APOBEC3G: variants seen among roughly 807,000 people sequenced by gnomAD.
APOBEC3G encodes the protein DNA dC->dU-editing enzyme APOBEC-3G.
A neutral mutation model predicts 50.0 loss-of-function variants in APOBEC3G; 44 were observed. The ratio of observed to expected loss-of-function variants is 0.88; its 90% confidence interval spans 0.69 to 1.13. The LOEUF is 1.13. Ranked by LOEUF, APOBEC3G falls within the 50% of genes most tolerant of loss-of-function variation. The probability of loss-of-function intolerance (pLI) is 0.00; values close to 1 mark genes in which losing one functional copy is unlikely to be tolerated. For synonymous variants in APOBEC3G, 156 were observed against 175.3 expected (o/e 0.89, Z 0.87); for missense variants, 469 against 492.0 (o/e 0.95, Z 0.44).
At chr22:39,078,768 A>C in intron 1 of APOBEC3G, 164 bp from the exon 2 acceptor site, 1 of 884,978 alleles carries the variant, frequency 1.1e-6, no homozygotes, top group East Asian at 2.9e-5. Context: ...GCTGGAGTGT[A>C]GTGGCGCGAT....
In APOBEC3G at chr22:39,081,245, CA is replaced by C; in HGVS notation, c.466+19del. 1 of 1,611,734 alleles carries C rather than the reference CA, an allele frequency of 6.2e-7. No individual in the cohort carries two copies. Among genetic ancestry groups the C allele is most frequent in the South Asian group, 1.1e-5 (1 of 90,738 alleles). ...TTATGACGGTGAGAAGTGGGAGGTT[CA>C]GGGGTGTGGGAGAGACTGCTTAAGT... On this transcript the variant is annotated intron_variant, in intron 3 of 7. Transcript: ENST00000407997.
chr22:39,083,658 C>A, intron 4 of APOBEC3G, 73 bp from the exon 5 acceptor site: 2 of 1,523,736 alleles, frequency 1.3e-6, no homozygotes, highest in Non-Finnish European at 8.9e-7. Context: ...AGGGAGGAAG[C>A]GTGGAGAGGG....
At chr22:39,081,795 C>G in intron 4 of APOBEC3G, 1 of 530,062 alleles carries the variant, frequency 1.9e-6, no homozygotes. Flanking sequence ...TTCCTGGGCC[C>G]TTCCTGTGAG....
chr22:39,084,658 C>T (rs2011861), intron 5 of APOBEC3G, among the ~76,000 whole-genome samples: 67,399 of 152,124 alleles, frequency 0.44, 17,406 homozygotes, highest in East Asian at 0.65. Context: ...CCAGGATTCC[C>T]CAGTGCCTGC....
At chr22:39,081,749 C>T (rs758506704) in intron 4 of APOBEC3G, 164 bp downstream of exon 4, 1 of 595,978 alleles carries the variant, frequency 1.7e-6, no homozygotes, top group Non-Finnish European at 3.0e-6. Context: ...ACCCACACTC[C>T]TCGTGCTCCC....
chr22:39,083,381 G>C lies in APOBEC3G; in HGVS notation c.582-350G>C, dbSNP rs548504114. On this transcript the variant is annotated intron_variant, in intron 4 of 7. Coordinates refer to ENST00000407997, the MANE Select transcript of APOBEC3G (RefSeq NM_021822.4). ...TGGGTCCACCTCCAGCAAGGACTGA[G>C]AGCGAGCAGAGCCAGGACTGGGGTC... is the stretch of plus-strand genomic sequence containing the variant. 2.3e-3 allele frequency among the ~76,000 whole-genome samples: 356 copies of C among 152,338 alleles called. 1 individual carries two copies. The highest frequency in any genetic ancestry group is 8.2e-3 in the African/African-American group (340 of 41,574).
intron 1 of APOBEC3G, among the ~76,000 whole-genome samples, chr22:39,077,791 T>G (rs774459251): frequency 2.6e-5 from 4 of 152,244 alleles, no homozygotes; most frequent in Admixed American, 6.5e-5. Context: ...AGATTTACTT[T>G]GCTTAAATAC....
chr22:39,084,989 G>A (rs1417516264), intron 5 of APOBEC3G, among the ~76,000 whole-genome samples: 1 of 152,158 alleles, frequency 6.6e-6, no homozygotes, highest in Non-Finnish European at 1.5e-5. Context: ...CTGCTTGGAA[G>A]CTACTTTCAA....
At chr22:39,081,393 TG>T in intron 3 of APOBEC3G, 77 bp from the exon 4 acceptor site, 1 of 1,535,742 alleles carries the variant, frequency 6.5e-7, no homozygotes. Context: ...ATCTAGAATA[TG>T]TCTGGGAGGG....
chr22:39,087,086 A>G lies in APOBEC3G; in HGVS notation c.1100A>G (p.His367Arg). Residue 367 changes from histidine (H) to arginine (R), a missense_variant, in exon 7 of 8, where the codon CAC (histidine) becomes CGC (arginine). Coordinates refer to ENST00000407997, the MANE Select transcript of APOBEC3G (RefSeq NM_021822.4). ...PFQPWDGLDE[H>R]SQDLSGRLRA... Reference sequence around the variant, plus strand: ...CAGCCCTGGGATGGACTAGATGAGCACAGCCAAGACCTGAGTGGGAGGCTG... The same window carrying G: ...CAGCCCTGGGATGGACTAGATGAGCGCAGCCAAGACCTGAGTGGGAGGCTG... The G allele has an allele frequency of 6.2e-7, 1 of 1,613,854 alleles. No homozygotes were observed. The highest frequency in any genetic ancestry group is 1.1e-5 in the South Asian group (1 of 91,056).
intron 2 of APOBEC3G, chr22:39,079,322 C>CTTT: frequency 1.2e-5 from 5 of 427,342 alleles, no homozygotes; most frequent in East Asian, 4.5e-5. Flanking sequence ...TTTCTTTTTT[C>CTTT]TTTTTTTTTT....
chr22:39,079,773 A>G (rs1928348164), intron 2 of APOBEC3G: 1 of 151,492 alleles, frequency 6.6e-6, no homozygotes, highest in East Asian at 1.9e-4. Context: ...GGTGGCTCGC[A>G]CCTCTAATCC....
intron 5 of APOBEC3G, 66 bp downstream of exon 5, chr22:39,083,950 G>A (rs1469675610): frequency 1.3e-6 from 2 of 1,557,688 alleles, no homozygotes; most frequent in Non-Finnish European, 1.7e-6. Flanking sequence ...ATGGGCAGAA[G>A]GTTCTGGGTG....
In APOBEC3G at chr22:39,083,736, C is replaced by G; in HGVS notation, c.587C>G (p.Ser196Trp). ...HIMLGEILRHSMDPPTFTFNF... is the reference protein window; with the variant it reads ...HIMLGEILRHWMDPPTFTFNF... ...GCTTTTCCCCCACTTTCCAGACACT[C>G]GATGGATCCACCCACATTCACTTTC... The change falls in exon 5 of 8, where the codon TCG becomes TGG. Residue 196 changes from serine to tryptophan, a missense_variant. By Grantham distance (177) the Ser-to-Trp change is radical. Coordinates refer to ENST00000407997, the MANE Select transcript of APOBEC3G (RefSeq NM_021822.4). 6.2e-7 allele frequency: 1 copy of G among 1,613,732 alleles called. No homozygotes were observed. The highest frequency in any genetic ancestry group is 1.1e-5 in the South Asian group (1 of 91,044).
Position 39,087,463 on chromosome 22 carries a change from G to A in APOBEC3G, c.*42G>A. ...TCTAAGGAAGGCAGAGACCTGGGTT[G>A]AGCCTCAGAATAAAAGATCTTCTTC... On this transcript the variant is annotated 3_prime_UTR_variant, in exon 8 of 8. Coordinates refer to ENST00000407997, the MANE Select transcript of APOBEC3G (RefSeq NM_021822.4). The A allele has an allele frequency of 6.2e-7, 1 of 1,613,894 alleles. No individual in the cohort carries two copies. Among genetic ancestry groups the A allele is most frequent in the Non-Finnish European group, 8.5e-7 (1 of 1,179,824 alleles).
chr22:39,084,496 C>T (rs150241378), intron 5 of APOBEC3G, among the ~76,000 whole-genome samples: 2,040 of 151,664 alleles, frequency 0.013, 22 homozygotes, highest in Non-Finnish European at 0.02. Flanking sequence ...CACTGCACTC[C>T]ACCTGGGCAA....
At position 39,087,092 on chromosome 22, in the gene APOBEC3G, A is replaced by G. The variant is rs144179214; in HGVS notation, c.1106A>G (p.Gln369Arg). Residue 369 changes from glutamine (Q) to arginine (R), a missense_variant, in exon 7 of 8, where the codon CAA becomes CGA. Physicochemically the swap from Gln to Arg is conservative, Grantham distance 43. Coordinates refer to ENST00000407997, the MANE Select transcript of APOBEC3G (RefSeq NM_021822.4). ...QPWDGLDEHSQDLSGRLRAIL... is the reference protein window; with the variant it reads ...QPWDGLDEHSRDLSGRLRAIL... ...TGGGATGGACTAGATGAGCACAGCC[A>G]AGACCTGAGTGGGAGGCTGCGGGCC... 2.4e-5 allele frequency: 38 copies of G among 1,613,850 alleles called. No homozygotes were observed. Among genetic ancestry groups the G allele is most frequent in the East Asian group, 1.3e-4 (6 of 44,894 alleles).
Position 39,080,935 on chromosome 22 carries a change from G to A in APOBEC3G, c.174G>A (p.Val58=), listed in dbSNP as rs753523943. 1.6e-5 allele frequency: 25 copies of A among 1,612,264 alleles called. No individual in the cohort carries two copies. The highest frequency in any genetic ancestry group is 2.1e-5 in the Non-Finnish European group (25 of 1,179,042). ...PLDAKIFRGQ[V]YSELKYHPEM... ...CCCTGACCCTGCTCCTCTCCCAGGT[G>A]TATTCCGAACTTAAGTACCACCCAG... The change falls in exon 3 of 8, where the codon GTG becomes GTA. Residue 58 remains valine, a splice_region_variant and synonymous_variant. Transcript: ENST00000407997.
At position 39,087,555 on chromosome 22, in the gene APOBEC3G, C is replaced by A; in HGVS notation, c.*134C>A. On this transcript the variant is annotated 3_prime_UTR_variant, in exon 8 of 8. Transcript: ENST00000407997. ...TCACAGACACCAGCAAAGCAATGCACTCCTGACCAAGTAGATTCTTTTAAA... is the reference window on the plus strand; with the variant it reads ...TCACAGACACCAGCAAAGCAATGCAATCCTGACCAAGTAGATTCTTTTAAA... 6.6e-7 allele frequency: 1 copy of A among 1,513,332 alleles called. No homozygotes were observed. Among genetic ancestry groups the A allele is most frequent in the Non-Finnish European group, 9.0e-7 (1 of 1,106,442 alleles). The allele number at this position is 1,513,332 out of a possible 1,614,324, so 93.7% of individuals were successfully genotyped here. A position where few individuals can be genotyped will look rare whatever the true frequency, so the allele number is the denominator to read the frequency against.
Sources: gnomAD v4.1 joint callset for allele counts (sites outside exome capture counted in the v4.1 genomes callset) on GRCh38, gnomAD v4.1.1 for gene constraint, MANE v1.5 for transcripts, NCBI Gene and HGNC (gene_info 2026-07-23, HGNC 2026-07-21) for gene names.